Variants in WDR17 observed in about 807,000 individuals in gnomAD.
WDR17 encodes the protein WD repeat-containing protein 17.
A neutral mutation model predicts 161.7 loss-of-function variants in WDR17; 143 were observed. That is an observed-to-expected ratio of 0.88 (90% CI 0.77 to 1.02). The LOEUF is 1.02. Ranked by LOEUF, WDR17 falls within the 50% of genes least tolerant of loss-of-function variation. WDR17 has a pLI of 0.00. For synonymous variants in WDR17, 517 were observed against 515.6 expected, an observed-to-expected ratio of 1.00 and a Z score of -0.04; for missense variants, 1,469 against 1,520.9, an observed-to-expected ratio of 0.97 and a Z score of 0.57.
At chr4:176,140,796 A>G (rs1220347633) in intron 10 of WDR17, among the ~76,000 whole-genome samples, 1 of 148,706 alleles carries the variant, frequency 6.7e-6, no homozygotes, top group East Asian at 1.9e-4. Context: ...AAATTTTCAG[A>G]AACAACAATA....
chr4:176,129,557 T>C (rs1348529175), intron 6 of WDR17, among the ~76,000 whole-genome samples: 1 of 152,118 alleles, frequency 6.6e-6, no homozygotes, highest in Non-Finnish European at 1.5e-5. Flanking sequence ...TTGGTAGTGT[T>C]CCCATTCTGT....
intron 2 of WDR17, among the ~76,000 whole-genome samples, chr4:176,114,761 G>C (rs1740324944): frequency 6.6e-6 from 1 of 151,770 alleles, no homozygotes; most frequent in Admixed American, 6.6e-5. Flanking sequence ...GGCGAGTTAT[G>C]AATTAAGATA....
chr4:176,075,110 A>C (rs1242951434), intron 1 of WDR17, among the ~76,000 whole-genome samples: 1 of 152,050 alleles, frequency 6.6e-6, no homozygotes, highest in East Asian at 1.9e-4. Flanking sequence ...TGATTAATTT[A>C]TAACTACTCT....
intron 1 of WDR17, chr4:176,111,263 T>C (rs933131881): frequency 5.7e-6 from 1 of 176,142 alleles, no homozygotes; most frequent in African/African-American, 2.4e-5. Context: ...ACTATTAATA[T>C]AGCATGTGCA....
chr4:176,119,268 T>G (rs560360376), intron 3 of WDR17, among the ~76,000 whole-genome samples: 16 of 152,290 alleles, frequency 1.1e-4, no homozygotes, highest in African/African-American at 3.8e-4. Context: ...TGGTCAGCTA[T>G]TTTTATTGTT....
intron 1 of WDR17, among the ~76,000 whole-genome samples, chr4:176,081,234 GAAAATGTTTC>G (rs1207000103): frequency 6.6e-6 from 1 of 152,070 alleles, no homozygotes; most frequent in Non-Finnish European, 1.5e-5. Context: ...TTAGCATGTT[GAAAATGTTTC>G]AAAGACTCCC....
chr4:176,109,058 G>A (rs770248411), intron 1 of WDR17, among the ~76,000 whole-genome samples: 3 of 152,118 alleles, frequency 2.0e-5, no homozygotes, highest in Non-Finnish European at 4.4e-5. Context: ...CCAAAGTGCT[G>A]GGATTACAGG....
intron 22 of WDR17, among the ~76,000 whole-genome samples, chr4:176,167,442 C>T (rs922024167): frequency 1.3e-5 from 2 of 150,426 alleles, no homozygotes; most frequent in Non-Finnish European, 3.0e-5. Flanking sequence ...GTCAGGAGAT[C>T]GAGACCATCC....
intron 1 of WDR17, among the ~76,000 whole-genome samples, chr4:176,089,807 T>C (rs1247782361): frequency 6.6e-6 from 1 of 152,096 alleles, no homozygotes; most frequent in East Asian, 1.9e-4. Context: ...TCCCTTTTCC[T>C]AGAACTGGTG....
chr4:176,160,030 T>C lies in WDR17; in HGVS notation c.2562T>C (p.Asp854=), dbSNP rs916714790. The change falls in exon 19 of 29, where the codon GAT becomes GAC. Residue 854 remains aspartate, a synonymous_variant. Transcript: ENST00000508596. ...ADQLIQEDKD[D]VIPYCIAIGD... ...AATTAATCCAGGAAGATAAGGATGATGTCATTCCATACTGCATAGCCATTG... is the reference window on the plus strand; with the variant it reads ...AATTAATCCAGGAAGATAAGGATGACGTCATTCCATACTGCATAGCCATTG... 1 of 1,612,258 alleles carries C rather than the reference T, an allele frequency of 6.2e-7. No homozygotes were observed. Among genetic ancestry groups the C allele is most frequent in the African/African-American group, 1.3e-5 (1 of 74,920 alleles).
At chr4:176,172,101 A>G (rs1750817397) in intron 23 of WDR17, among the ~76,000 whole-genome samples, 1 of 152,166 alleles carries the variant, frequency 6.6e-6, no homozygotes, top group Admixed American at 6.5e-5. Flanking sequence ...CTCCAGTATC[A>G]CAATCAGGAC....
Position 176,131,699 on chromosome 4 carries a change from T to G in WDR17, c.1059T>G (p.Tyr353Ter). 6.2e-7 allele frequency: 1 copy of G among 1,613,118 alleles called. No individual in the cohort carries two copies. Among genetic ancestry groups the G allele is most frequent in the South Asian group, 1.1e-5 (1 of 90,858 alleles). Residue 353 changes from tyrosine to a stop codon, truncating the protein, a stop_gained, in exon 7 of 29, where the codon TAT (tyrosine) becomes TAG (stop). Coordinates refer to ENST00000508596, the MANE Select transcript of WDR17 (RefSeq NM_181265.4). LOFTEE classifies it high-confidence loss of function. ...TCTTGGATGGTGGAGTTGGACTTTA[T>G]GATATGGGAGCTAAGAAGTGGGATT... ...CCFLDGGVGL[Y>*]DMGAKKWDFL...
chr4:176,099,850 C>T (rs906469846), intron 1 of WDR17, among the ~76,000 whole-genome samples: 1 of 151,992 alleles, frequency 6.6e-6, no homozygotes, highest in Non-Finnish European at 1.5e-5. Context: ...ATATGTGACT[C>T]TCTGTGCATG....
At chr4:176,161,493 C>T (rs966497505) in intron 20 of WDR17, among the ~76,000 whole-genome samples, 1 of 151,994 alleles carries the variant, frequency 6.6e-6, no homozygotes, top group Admixed American at 6.6e-5. Flanking sequence ...ATTTTTCAGC[C>T]TTCTAACCTT....
In WDR17 at chr4:176,168,613, A is replaced by T. The variant is rs775168369; in HGVS notation, c.2991-59A>T. 4.4e-5 allele frequency: 71 copies of T among 1,603,434 alleles called. 1 individual carries two copies. In the South Asian group the frequency reaches 5.2e-4, roughly 12 times the overall value. ...TGAATTGCCCTTCTTTGAGATAGTT[A>T]TGAATGTTATTTTTAAATCTTCTCC... On this transcript the variant is annotated intron_variant, in intron 22 of 28. Transcript: ENST00000508596.
chr4:176,154,586 T>C (rs1273937607), intron 17 of WDR17, among the ~76,000 whole-genome samples: 1 of 152,244 alleles, frequency 6.6e-6, no homozygotes, highest in Non-Finnish European at 1.5e-5. Flanking sequence ...GACATGTTTC[T>C]ATTGAAAGAG....
In WDR17 at chr4:176,120,093, T is replaced by A; in HGVS notation, c.534T>A (p.His178Gln). ...GHIDGSLSIFHPGNKNQKHVL... is the reference protein window; with the variant it reads ...GHIDGSLSIFQPGNKNQKHVL... ...TTGATGGAAGTCTATCAATTTTTCATCCAGGTAAGAATTTAATTAGCAAGG... is the reference window on the plus strand; with the variant it reads ...TTGATGGAAGTCTATCAATTTTTCAACCAGGTAAGAATTTAATTAGCAAGG... Residue 178 changes from histidine (H) to glutamine (Q), a missense_variant, in exon 4 of 29, where the codon CAT becomes CAA. His to Gln is a conservative substitution (Grantham distance 24, BLOSUM62 0). Transcript: ENST00000508596. 1.9e-6 allele frequency: 3 copies of A among 1,611,940 alleles called. No homozygotes were observed. The highest frequency in any genetic ancestry group is 2.5e-6 in the Non-Finnish European group (3 of 1,178,300).
rs373423755 is a variant in WDR17 at position 176,115,809 on chromosome 4, A to T, written c.137A>T (p.Tyr46Phe). 1 of 1,604,846 alleles carries T rather than the reference A, an allele frequency of 6.2e-7. No homozygotes were observed. The highest frequency in any genetic ancestry group is 1.3e-5 in the African/African-American group (1 of 74,636). Residue 46 changes from tyrosine (Y) to phenylalanine (F), a missense_variant, in exon 3 of 29, where the codon TAT becomes TTT. Tyr to Phe is a conservative substitution (Grantham distance 22). Coordinates refer to ENST00000508596, the MANE Select transcript of WDR17 (RefSeq NM_181265.4). ...ATTTTGTTTTAGTTGGATCACCGTT[A>T]TAATGAATTCAAACTTCACGCAATT... Reference protein sequence around the residue: ...AIYIYQLDHRYNEFKLHAIMS... With the variant: ...AIYIYQLDHRFNEFKLHAIMS...
chr4:176,175,533 C>A (rs1229886331), intron 26 of WDR17, among the ~76,000 whole-genome samples: 1 of 103,014 alleles, frequency 9.7e-6, no homozygotes, highest in Non-Finnish European at 2.1e-5. Context: ...GTTAAGCAGT[C>A]TTTTATTTGT....
Sources: gnomAD v4.1 joint callset for allele counts (sites outside exome capture counted in the v4.1 genomes callset) on GRCh38, gnomAD v4.1.1 for gene constraint, MANE v1.5 for transcripts, NCBI Gene and HGNC (gene_info 2026-07-23, HGNC 2026-07-21) for gene names.